Variants in ADGRL3 observed in about 807,000 individuals in gnomAD.
ADGRL3 encodes the protein adhesion G protein-coupled receptor L3, also known as calcium-independent alpha-latrotoxin receptor 3.
Under a neutral mutation model 153.5 loss-of-function variants are expected in ADGRL3, and 62 were observed. The ratio of observed to expected loss-of-function variants is 0.40; its 90% CI spans 0.33 to 0.50. ADGRL3 has a LOEUF of 0.50. ADGRL3 is among the 20% of genes least tolerant of loss of function. ADGRL3 has a pLI of 0.47. For synonymous variants in ADGRL3, 710 were observed against 672.5 expected (o/e 1.06, Z -0.86); for missense variants, 1,641 against 1,859.4 (o/e 0.88, Z 2.16).
chr4:62,070,945 A>G lies in ADGRL3; in HGVS notation c.*37A>G. ...GAAATTGGAACCAACAAAACTGCTA[A>G]CACCTTGTTGACTGTTCTGAGTTGA... On this transcript the variant is annotated 3_prime_UTR_variant, in exon 27 of 27. Transcript: ENST00000683033. The G allele has an allele frequency of 6.7e-7, 1 of 1,483,612 alleles. No homozygotes were observed. The highest frequency in any genetic ancestry group is 1.8e-4 in the Middle Eastern group (1 of 5,700). The allele number at this position is 1,483,612 out of a possible 1,614,324, so 91.9% of individuals were successfully genotyped here.
chr4:61,398,325 A>C (rs2096891338), intron 2 of ADGRL3, among the ~76,000 whole-genome samples: 1 of 151,870 alleles, frequency 6.6e-6, no homozygotes, highest in African/African-American at 2.4e-5. Context: ...CCTTCATTAA[A>C]TATCATGGAG....
intron 11 of ADGRL3, among the ~76,000 whole-genome samples, chr4:61,903,865 C>T (rs991999494): frequency 2.0e-5 from 3 of 151,792 alleles, no homozygotes; most frequent in African/African-American, 4.8e-5. Context: ...CTCAACCTCT[C>T]GGGATGAAAC....
At chr4:61,469,730 A>G (rs1032052505) in intron 2 of ADGRL3, among the ~76,000 whole-genome samples, 6 of 152,070 alleles carry the variant, frequency 3.9e-5, no homozygotes, top group African/African-American at 1.4e-4. Context: ...TATAGTTTAC[A>G]GCGTAAGAAT....
intron 6 of ADGRL3, among the ~76,000 whole-genome samples, chr4:61,689,467 A>G (rs964534396): frequency 1.3e-5 from 2 of 152,204 alleles, no homozygotes; most frequent in Admixed American, 1.3e-4. Flanking sequence ...GACTTAGAAT[A>G]AGTGAAATAG....
chr4:62,031,067 A>G (rs534804096), intron 22 of ADGRL3, among the ~76,000 whole-genome samples: 2 of 151,752 alleles, frequency 1.3e-5, no homozygotes, highest in East Asian at 1.9e-4. Context: ...AGGGAAATCA[A>G]TCAAACAAAT....
intron 1 of ADGRL3, among the ~76,000 whole-genome samples, chr4:61,359,859 C>A (rs2096255247): frequency 6.6e-6 from 1 of 152,040 alleles, no homozygotes; most frequent in African/African-American, 2.4e-5. Flanking sequence ...ATTAAATATT[C>A]ATTGAATGCA....
intron 1 of ADGRL3, among the ~76,000 whole-genome samples, chr4:61,269,072 C>A (rs2093012875): frequency 6.6e-6 from 1 of 151,550 alleles, no homozygotes; most frequent in Non-Finnish European, 1.5e-5. Flanking sequence ...AGTATTTATT[C>A]AATGAAAGAG....
intron 1 of ADGRL3, among the ~76,000 whole-genome samples, chr4:61,232,084 T>A (rs1368354051): frequency 6.6e-6 from 1 of 152,008 alleles, no homozygotes; most frequent in Admixed American, 6.6e-5. Context: ...TGGAGAGAAT[T>A]GTTATATCTC....
At chr4:61,328,831 T>A (rs2095515155) in intron 1 of ADGRL3, among the ~76,000 whole-genome samples, 1 of 152,252 alleles carries the variant, frequency 6.6e-6, no homozygotes, top group East Asian at 1.9e-4. Flanking sequence ...CTACTCCTGC[T>A]CCTGCCTTGT....
chr4:62,038,214 C>A (rs1726158148), intron 24 of ADGRL3, among the ~76,000 whole-genome samples: 1 of 152,018 alleles, frequency 6.6e-6, no homozygotes, highest in African/African-American at 2.4e-5. Flanking sequence ...TATAATTCTT[C>A]TAACTAGTAT....
chr4:61,253,378 C>A (rs895050806), intron 1 of ADGRL3, among the ~76,000 whole-genome samples: 8 of 152,120 alleles, frequency 5.3e-5, no homozygotes, highest in Non-Finnish European at 8.8e-5. Flanking sequence ...TTACCAGACC[C>A]CTTGACTGTC....
At chr4:61,871,573 A>G (rs1445837616) in intron 9 of ADGRL3, among the ~76,000 whole-genome samples, 1 of 152,218 alleles carries the variant, frequency 6.6e-6, no homozygotes. Context: ...AGGAAAATCC[A>G]TAAAGATAGA....
chr4:62,056,476 A>G (rs1440303307), intron 25 of ADGRL3, among the ~76,000 whole-genome samples: 1 of 152,052 alleles, frequency 6.6e-6, no homozygotes, highest in African/African-American at 2.4e-5. Flanking sequence ...GTACAAACAT[A>G]TACCTAAATC....
At chr4:61,695,151 T>G (rs2151199767) in intron 6 of ADGRL3, among the ~76,000 whole-genome samples, 1 of 152,364 alleles carries the variant, frequency 6.6e-6, no homozygotes, top group Non-Finnish European at 1.5e-5. Flanking sequence ...CACAAATGTT[T>G]ATAACAGCAT....
At chr4:62,049,011 T>A (rs2151734984) in intron 25 of ADGRL3, among the ~76,000 whole-genome samples, 1 of 152,274 alleles carries the variant, frequency 6.6e-6, no homozygotes, top group South Asian at 2.1e-4. Context: ...AAATTAGGCT[T>A]TATCTTATTG....
chr4:61,500,974 T>C (rs1422406230), intron 3 of ADGRL3, among the ~76,000 whole-genome samples: 1 of 152,160 alleles, frequency 6.6e-6, no homozygotes, highest in East Asian at 1.9e-4. Context: ...GCCATTCCTC[T>C]TTACATAGAA....
At chr4:61,881,762 A>G (rs2098510158) in intron 9 of ADGRL3, among the ~76,000 whole-genome samples, 1 of 152,230 alleles carries the variant, frequency 6.6e-6, no homozygotes, top group Non-Finnish European at 1.5e-5. Flanking sequence ...GTATCCCTTT[A>G]TCATCATAGG....
chr4:61,314,682 G>A (rs538270128), intron 1 of ADGRL3, among the ~76,000 whole-genome samples: 2 of 152,266 alleles, frequency 1.3e-5, no homozygotes, highest in Admixed American at 6.5e-5. Context: ...CAAACCCAAG[G>A]TTTATTGCCC....
intron 8 of ADGRL3, among the ~76,000 whole-genome samples, chr4:61,807,202 T>A (rs1471463443): frequency 6.6e-6 from 1 of 152,100 alleles, no homozygotes; most frequent in African/African-American, 2.4e-5. Context: ...CATTACATAT[T>A]GTCCAAATGA....
Sources: gnomAD v4.1 joint callset for allele counts (sites outside exome capture counted in the v4.1 genomes callset) on GRCh38, gnomAD v4.1.1 for gene constraint, MANE v1.5 for transcripts, NCBI Gene and HGNC (gene_info 2026-07-23, HGNC 2026-07-21) for gene names.